Variants in GRB10 observed in about 807,000 individuals in gnomAD.
The protein encoded by GRB10 is growth factor receptor-bound protein 10.
A neutral mutation model predicts 80.9 loss-of-function variants in GRB10; 20 were observed. The observed-to-expected ratio is 0.25, with a 90% CI of 0.17 to 0.36. The LOEUF (loss-of-function observed/expected upper bound fraction) is 0.36, where lower values mean the gene tolerates loss of function less well. Among genes scored for constraint, GRB10 ranks in the 10% least tolerant of loss-of-function variants. The pLI is 1.00. For missense variants in GRB10, 548 were observed against 747.7 expected (o/e 0.73, Z 3.12); for synonymous variants, 291 against 291.5 (o/e 1.00, Z 0.02).
At chr7:50,620,970 TA>T (rs2051607383) in intron 8 of GRB10, among the ~76,000 whole-genome samples, 1 of 152,138 alleles carries the variant, frequency 6.6e-6, no homozygotes, top group Non-Finnish European at 1.5e-5. Context: ...TTTACAGAAC[TA>T]AAAATTTTTA....
At chr7:50,725,229 C>T (rs1587524752) in intron 4 of GRB10, among the ~76,000 whole-genome samples, 1 of 152,198 alleles carries the variant, frequency 6.6e-6, no homozygotes, top group Non-Finnish European at 1.5e-5. Flanking sequence ...TAAGTTGCCA[C>T]GAGACCTGGT....
At position 50,703,925 on chromosome 7, in the gene GRB10, G is replaced by T; in HGVS notation, c.52-17C>A. ...CACCTTGTCCTAAAAAAACAGGACC[G>T]CAGCAGAAAGGCTGTGAGTTCACAA... On this transcript the variant is annotated splice_polypyrimidine_tract_variant and intron_variant, in intron 4 of 18. Transcript: ENST00000401949. 1.9e-6 allele frequency: 3 copies of T among 1,582,766 alleles called. No individual in the cohort carries two copies. The highest frequency in any genetic ancestry group is 2.6e-6 in the Non-Finnish European group (3 of 1,152,560).
chr7:50,787,505 A>C (rs960332562), upstream of GRB10, among the ~76,000 whole-genome samples: 6 of 152,244 alleles, frequency 3.9e-5, no homozygotes, highest in Non-Finnish European at 7.3e-5. Flanking sequence ...CTTCAGACGA[A>C]GAGAACAGAA....
Position 50,740,699 on chromosome 7 carries a change from CA to C in GRB10, c.-46-8332del, listed in dbSNP as rs201390418. Among the ~76,000 whole-genome samples, 212 of 25,826 alleles carry C rather than the reference CA, an allele frequency of 8.2e-3. 1 individual carries two copies. Among genetic ancestry groups the C allele is most frequent in the African/African-American group, 0.011 (208 of 19,564 alleles). 16.9% of individuals were successfully genotyped at this position (25,826 alleles called of 152,430 possible). A position where few individuals can be genotyped will look rare whatever the true frequency, so the allele number is the denominator to read the frequency against. On this transcript the variant is annotated intron_variant, in intron 3 of 18. Coordinates refer to ENST00000401949, the MANE Select transcript of GRB10 (RefSeq NM_001350814.2). ...AAGAAACTCATAATTCTTTAAACAT[CA>C]AAGGGAAAATAGATGAAGACACATT...
intron 4 of GRB10, among the ~76,000 whole-genome samples, chr7:50,717,588 T>C (rs182211099): frequency 1.1e-4 from 17 of 152,360 alleles, no homozygotes; most frequent in African/African-American, 3.6e-4. Flanking sequence ...AATCTACAGA[T>C]ATGACAACAG....
At chr7:50,730,327 CA>C (rs2069457778) in intron 4 of GRB10, among the ~76,000 whole-genome samples, 1 of 152,180 alleles carries the variant, frequency 6.6e-6, no homozygotes, top group Admixed American at 6.5e-5. Flanking sequence ...GCCACTGCTG[CA>C]AGTGAACAGC....
chr7:50,600,172 G>C (rs185982075), intron 17 of GRB10, among the ~76,000 whole-genome samples: 94 of 152,244 alleles, frequency 6.2e-4, no homozygotes, highest in Admixed American at 1.5e-3. Context: ...ACGGTTCAGG[G>C]GTATAAGCAG....
chr7:50,653,320 G>A (rs528729926), intron 7 of GRB10, among the ~76,000 whole-genome samples: 218 of 152,264 alleles, frequency 1.4e-3, no homozygotes, highest in African/African-American at 4.9e-3. Flanking sequence ...CCATGAAGCC[G>A]GGAACAGCCA....
chr7:50,657,384 G>A (rs888193323), intron 7 of GRB10, among the ~76,000 whole-genome samples: 1 of 152,142 alleles, frequency 6.6e-6, no homozygotes, highest in Non-Finnish European at 1.5e-5. Context: ...TGATGTTCCC[G>A]CGGCTCCTGG....
intron 5 of GRB10, 21 bp from the exon 6 acceptor site, chr7:50,674,679 G>A (rs768530432): frequency 1.2e-6 from 2 of 1,605,968 alleles, no homozygotes; most frequent in South Asian, 1.1e-5. Flanking sequence ...AAAGGCAAGA[G>A]CAAAAAAGAA....
intron 7 of GRB10, among the ~76,000 whole-genome samples, chr7:50,644,702 C>T (rs2056878745): frequency 1.3e-5 from 2 of 152,210 alleles, no homozygotes; most frequent in Non-Finnish European, 2.9e-5. Context: ...CCCTGGATCA[C>T]AGCACCGAAC....
intron 2 of GRB10, among the ~76,000 whole-genome samples, chr7:50,768,558 T>G (rs998960280): frequency 6.6e-6 from 1 of 152,240 alleles, no homozygotes; most frequent in African/African-American, 2.4e-5. Context: ...ATCACTATGT[T>G]CTCAATCTTA....
At chr7:50,641,277 G>A (rs2282923) in intron 7 of GRB10, among the ~76,000 whole-genome samples, 113,973 of 144,220 alleles carry the variant, frequency 0.79, 43,838 homozygotes, top group East Asian at 0.92. Flanking sequence ...CATCAAAAAA[G>A]GTGGGGGGGT....
At chr7:50,702,741 T>A (rs929792725) in intron 5 of GRB10, among the ~76,000 whole-genome samples, 1 of 152,218 alleles carries the variant, frequency 6.6e-6, no homozygotes, top group African/African-American at 2.4e-5. Context: ...GTGCTGCAAA[T>A]GTCCCTTAAT....
At chr7:50,672,260 C>T (rs2153638727) in intron 6 of GRB10, among the ~76,000 whole-genome samples, 1 of 152,316 alleles carries the variant, frequency 6.6e-6, no homozygotes, top group South Asian at 2.1e-4. Flanking sequence ...CAGCCTGCTC[C>T]ATGGCCACTT....
chr7:50,740,036 G>T (rs902157532), intron 3 of GRB10, among the ~76,000 whole-genome samples: 9 of 152,202 alleles, frequency 5.9e-5, no homozygotes, highest in African/African-American at 2.2e-4. Flanking sequence ...TCATGTGACT[G>T]TGCCACATGA....
chr7:50,733,303 C>T lies in GRB10; in HGVS notation c.-46-935G>A, dbSNP rs149641398. 1.8e-4 allele frequency among the ~76,000 whole-genome samples: 28 copies of T among 152,258 alleles called. No individual in the cohort carries two copies. In the East Asian group the frequency reaches 2.3e-3, roughly 13 times the overall value. On this transcript the variant is annotated intron_variant, in intron 3 of 18. Transcript: ENST00000401949. The stretch of plus-strand genomic sequence containing the variant: ...TCATGGACTTCCAATATCCAGACTG[C>T]GGGAAATGGATTTCTGCTATTTAAG...
chr7:50,627,629 C>T (rs762088057), intron 7 of GRB10, among the ~76,000 whole-genome samples: 1 of 152,210 alleles, frequency 6.6e-6, no homozygotes, highest in Admixed American at 6.5e-5. Flanking sequence ...TGTTCAAATC[C>T]ATGAACACCG....
At chr7:50,775,301 G>C (rs1324952114) in intron 2 of GRB10, among the ~76,000 whole-genome samples, 1 of 152,146 alleles carries the variant, frequency 6.6e-6, no homozygotes, top group Non-Finnish European at 1.5e-5. Context: ...TAAATCAATG[G>C]TAAGGCTGGA....
Sources: gnomAD v4.1 joint callset for allele counts (sites outside exome capture counted in the v4.1 genomes callset) on GRCh38, gnomAD v4.1.1 for gene constraint, MANE v1.5 for transcripts, NCBI Gene and HGNC (gene_info 2026-07-23, HGNC 2026-07-21) for gene names.